The following PRKN variants were observed in gnomAD, a reference collection of about 807,000 sequenced individuals.
The protein encoded by PRKN is parkin RBR E3 ubiquitin protein ligase.
A neutral mutation model predicts 59.5 loss-of-function variants in PRKN; 56 were observed. The observed-to-expected ratio is 0.94, with a 90% CI of 0.76 to 1.18. The LOEUF (loss-of-function observed/expected upper bound fraction) is 1.18, where lower values mean the gene tolerates loss of function less well. PRKN is among the 50% of genes most tolerant of loss of function. The pLI is 0.00. For synonymous variants in PRKN, 250 were observed against 222.1 expected (o/e 1.13, Z -1.12); for missense variants, 657 against 596.4 (o/e 1.10, Z -1.06).
At chr6:162,586,828 G>A (rs1781079877) in intron 1 of PRKN, among the ~76,000 whole-genome samples, 1 of 152,138 alleles carries the variant, frequency 6.6e-6, no homozygotes, top group South Asian at 2.1e-4. Context: ...GTTAAAGCTT[G>A]CAATTAAGAC....
intron 6 of PRKN, among the ~76,000 whole-genome samples, chr6:161,972,141 G>A (rs1780838251): frequency 6.6e-6 from 1 of 151,946 alleles, no homozygotes; most frequent in African/African-American, 2.4e-5. Flanking sequence ...TGGTGTGGTG[G>A]CGCATGCCTG....
chr6:162,496,673 T>C (rs553280248), intron 1 of PRKN, among the ~76,000 whole-genome samples: 1 of 152,332 alleles, frequency 6.6e-6, no homozygotes, highest in African/African-American at 2.4e-5. Context: ...TTATTTTCCA[T>C]TTAAGCCTTG....
In PRKN at chr6:162,009,070, C is replaced by T. The variant is rs1015208975; in HGVS notation, c.619-35653G>A. Among the ~76,000 whole-genome samples, 35 of 151,698 alleles carry T rather than the reference C, an allele frequency of 2.3e-4. 1 individual carries two copies. The highest frequency in any genetic ancestry group is 5.8e-4 in the African/African-American group (24 of 41,168). On this transcript the variant is annotated intron_variant, in intron 5 of 11. Coordinates refer to ENST00000366898, the MANE Select transcript of PRKN (RefSeq NM_004562.3). ...GAGTTCAAGACCATCCTGGCCAACA[C>T]GGTGAAACCCCGTCTTTACTAAAAA...
intron 4 of PRKN, among the ~76,000 whole-genome samples, chr6:162,054,689 G>A (rs1361220591): frequency 6.6e-6 from 1 of 152,172 alleles, no homozygotes; most frequent in Non-Finnish European, 1.5e-5. Context: ...TCGAGGGGGT[G>A]CGCAGCAAGC....
intron 2 of PRKN, among the ~76,000 whole-genome samples, chr6:162,414,726 A>AAAAAAAAAAAAAAAAAAAAAGGT (rs34838356): frequency 7.6e-5 from 7 of 91,872 alleles, no homozygotes; most frequent in Non-Finnish European, 1.3e-4. Flanking sequence ...AAAAAAAAAA[A>AAAAAAAAAAAAAAAAAAAAAGGT]AGTGAATCTT....
intron 7 of PRKN, among the ~76,000 whole-genome samples, chr6:161,706,468 C>T (rs888138757): frequency 2.0e-5 from 3 of 152,240 alleles, no homozygotes; most frequent in Admixed American, 2.0e-4. Flanking sequence ...TCATTTGCTT[C>T]TTGACAGCAG....
chr6:161,643,440 G>A (rs1033406387), intron 7 of PRKN, among the ~76,000 whole-genome samples: 5 of 152,140 alleles, frequency 3.3e-5, no homozygotes, highest in Non-Finnish European at 7.4e-5. Flanking sequence ...ATTGCTAGGA[G>A]AACATTTTTT....
chr6:162,479,672 CAT>C (rs1156396611), intron 1 of PRKN, among the ~76,000 whole-genome samples: 2 of 152,126 alleles, frequency 1.3e-5, no homozygotes, highest in Admixed American at 1.3e-4. Flanking sequence ...CAATAACAAA[CAT>C]AGAGCTGTCA....
At position 161,902,556 on chromosome 6, in the gene PRKN, A is replaced by ATCTATTTTTTTTTT. The variant is rs1382089937; in HGVS notation, c.734+70745_734+70746insAAAAAAAAAATAGA. On this transcript the variant is annotated intron_variant, in intron 6 of 11. Transcript: ENST00000366898. The stretch of plus-strand genomic sequence containing the variant: ...TATCTATCTATCTATCTATTTATTT[A>ATCTATTTTTTTTTT]TTTATTTATTTTTTTTTTTTTGCGA... Among the ~76,000 whole-genome samples, 50 of 118,176 alleles carry ATCTATTTTTTTTTT rather than the reference A, an allele frequency of 4.2e-4. 5 individuals carry two copies. Among genetic ancestry groups the ATCTATTTTTTTTTT allele is most frequent in the African/African-American group, 8.8e-4 (25 of 28,540 alleles). 77.5% of individuals were successfully genotyped at this position (118,176 alleles called of 152,430 possible).
At chr6:162,450,944 A>G (rs1471358495) in intron 1 of PRKN, among the ~76,000 whole-genome samples, 1 of 152,186 alleles carries the variant, frequency 6.6e-6, no homozygotes, top group Non-Finnish European at 1.5e-5. Flanking sequence ...TAAAATAGGG[A>G]AACTGGGTGT....
intron 9 of PRKN, among the ~76,000 whole-genome samples, chr6:161,506,010 T>C (rs368830509): frequency 3.3e-5 from 5 of 149,880 alleles, no homozygotes; most frequent in East Asian, 3.9e-4. Flanking sequence ...GCGATGCGGG[T>C]TCTTTTTTGG....
chr6:162,028,209 G>A (rs560904647), intron 5 of PRKN, among the ~76,000 whole-genome samples: 6 of 152,152 alleles, frequency 3.9e-5, no homozygotes, highest in African/African-American at 1.2e-4. Context: ...AAGTGTGTGC[G>A]TGTTTTTAAC....
intron 1 of PRKN, among the ~76,000 whole-genome samples, chr6:162,457,076 T>C (rs1790911107): frequency 6.6e-6 from 1 of 152,216 alleles, no homozygotes; most frequent in Admixed American, 6.5e-5. Context: ...AACATGCTTA[T>C]TGAGCAACTC....
chr6:161,371,391 C>A lies in PRKN; in HGVS notation c.1168-11186G>T, dbSNP rs539178095. Among the ~76,000 whole-genome samples the A allele has an allele frequency of 5.4e-4, 82 of 152,056 alleles. 1 individual carries two copies. Among genetic ancestry groups the A allele is most frequent in the African/African-American group, 1.8e-3 (75 of 41,486 alleles). On this transcript the variant is annotated intron_variant, in intron 10 of 11. Transcript: ENST00000366898. This position sits in a 1 kb window ranked among gnomAD's most constrained non-coding sequence, Gnocchi z 5.5. ...TGTTGGCCAGGCTAGTTTTGAACTC[C>A]TGACCTCAGGTGATCTGCCCGCCTC...
intron 9 of PRKN, among the ~76,000 whole-genome samples, chr6:161,513,682 G>A (rs1778483626): frequency 6.6e-6 from 1 of 152,092 alleles, no homozygotes; most frequent in South Asian, 2.1e-4. Context: ...TTCTACCTGA[G>A]CATGCTGTAC....
intron 6 of PRKN, among the ~76,000 whole-genome samples, chr6:161,826,848 T>C (rs1405077827): frequency 2.6e-5 from 4 of 152,200 alleles, no homozygotes; most frequent in African/African-American, 9.6e-5. Context: ...ATGATCGAAA[T>C]AGCCTCCCAA....
Position 161,402,441 on chromosome 6 carries a change from T to C in PRKN, c.1084-15564A>G, listed in dbSNP as rs889131820. Among the ~76,000 whole-genome samples the C allele has an allele frequency of 1.3e-5, 2 of 151,480 alleles. No individual in the cohort carries two copies. Among genetic ancestry groups the C allele is most frequent in the Non-Finnish European group, 2.9e-5 (2 of 67,882 alleles). On this transcript the variant is annotated intron_variant, in intron 9 of 11. Transcript: ENST00000366898. The surrounding 1 kb of genome is among the most constrained non-coding windows in gnomAD (Gnocchi z 4.5). ...AGATAATGCGCGGATCTCAGGTGAG[T>C]CGAGGAAATGCCACAGACATTGCTG...
At chr6:162,340,978 G>A (rs1784151570) in intron 2 of PRKN, among the ~76,000 whole-genome samples, 1 of 152,026 alleles carries the variant, frequency 6.6e-6, no homozygotes, top group Admixed American at 6.5e-5. Flanking sequence ...AGAGTCAACA[G>A]GCAACCTAAA....
intron 7 of PRKN, among the ~76,000 whole-genome samples, chr6:161,635,101 A>C (rs1783465489): frequency 6.6e-6 from 1 of 152,202 alleles, no homozygotes; most frequent in Non-Finnish European, 1.5e-5. Flanking sequence ...TGACCTCCTT[A>C]TTGGAGATAC....
Sources: gnomAD v4.1 joint callset for allele counts (sites outside exome capture counted in the v4.1 genomes callset) on GRCh38, gnomAD v4.1.1 for gene constraint, Gnocchi (gnomAD v3.1) non-coding constraint, MANE v1.5 for transcripts, NCBI Gene and HGNC (gene_info 2026-07-23, HGNC 2026-07-21) for gene names.